Variants in SLC39A4 observed in about 807,000 individuals in gnomAD.
The protein encoded by SLC39A4 is zinc transporter ZIP4.
A neutral mutation model predicts 56.6 loss-of-function variants in SLC39A4; 49 were observed. The observed-to-expected ratio is 0.87, with a 90% CI of 0.69 to 1.10. The LOEUF (loss-of-function observed/expected upper bound fraction) is 1.10. Among genes scored for constraint, SLC39A4 ranks in the 50% least tolerant of loss-of-function variants. SLC39A4 has a pLI of 0.00. For synonymous variants in SLC39A4, 540 were observed against 420.4 expected (o/e 1.28, Z -3.48); for missense variants, 993 against 864.2 (o/e 1.15, Z -1.87).
chr8:144,414,971 C>T lies in SLC39A4; in HGVS notation c.804+3G>A, dbSNP rs782687490. 1.4e-5 allele frequency: 22 copies of T among 1,612,812 alleles called. No individual in the cohort carries two copies. In the East Asian group the frequency reaches 4.7e-4, roughly 34 times the overall value. On this transcript the variant is annotated splice_donor_region_variant and intron_variant, in intron 4 of 11. Transcript: ENST00000301305. ...CCCCATCTTACCCCAGGGCGCAGCT[C>T]ACCGTGTCCCACACACTGGAGCTGT...
chr8:144,414,340 G>C lies in SLC39A4; in HGVS notation c.1071C>G (p.Thr357=). 1.3e-6 allele frequency: 2 copies of C among 1,597,804 alleles called. No individual in the cohort carries two copies. The highest frequency in any genetic ancestry group is 1.3e-5 in the African/African-American group (1 of 74,910). ...LLTCTGCRGV[T]HYILQTFLSL... is the part of the protein sequence containing the mutation. ...TCAGGAAGGTCTGCAGGATGTAGTG[G>C]GTGACCCCCCTGCAGCCAGTGCAGG... Residue 357 remains threonine, a synonymous_variant, in exon 6 of 12, where the codon ACC becomes ACG. Coordinates refer to ENST00000301305, the MANE Select transcript of SLC39A4 (RefSeq NM_130849.4).
rs1279022205 is a variant in SLC39A4 at position 144,413,962 on chromosome 8, G to A, written c.1283C>T (p.Pro428Leu). Reference protein sequence around the residue: ...NLFNLLLPRDPEDLEDGPCGH... With the variant: ...NLFNLLLPRDLEDLEDGPCGH... The stretch of plus-strand genomic sequence containing the variant: ...TACCTTCCCAAGAAGCCTGACCTCC[G>A]GGTCCCTGGGCAGCAGGAGATTGAA... The change falls in exon 7 of 12, where the codon CCG (proline) becomes CTG (leucine). Residue 428 changes from proline (P) to leucine (L), a missense_variant. Physicochemically the swap from Pro to Leu is moderately conservative, Grantham distance 98. Transcript: ENST00000301305. 5 of 1,610,434 alleles carry A rather than the reference G, an allele frequency of 3.1e-6. No homozygotes were observed. Among genetic ancestry groups the A allele is most frequent in the Non-Finnish European group, 4.2e-6 (5 of 1,178,728 alleles).
At chr8:144,413,674 G>A in intron 8 of SLC39A4, 76 bp downstream of exon 8, 1 of 1,539,874 alleles carries the variant, frequency 6.5e-7, no homozygotes, top group East Asian at 2.4e-5. Context: ...GCCTGGGGTG[G>A]GGCTGGGAGT....
At chr8:144,412,998 C>T (rs1554872120) in intron 10 of SLC39A4, 52 bp from the exon 11 acceptor site, 1 of 1,539,364 alleles carries the variant, frequency 6.5e-7, no homozygotes. Context: ...CATGCCCCGC[C>T]CACCTCCTTT....
chr8:144,413,572 G>C lies in SLC39A4; in HGVS notation c.1420-5C>G, dbSNP rs1444041389. On this transcript the variant is annotated splice_region_variant and splice_polypyrimidine_tract_variant and intron_variant, in intron 8 of 11. Coordinates refer to ENST00000301305, the MANE Select transcript of SLC39A4 (RefSeq NM_130849.4). ...CTCCGGGCTCTCCTCCGCCACCTGG[G>C]AGGAGCCTTGAGTAAGTCCCGCCCG... The C allele has an allele frequency of 1.6e-5, 25 of 1,551,366 alleles. No individual in the cohort carries two copies. The highest frequency in any genetic ancestry group is 2.1e-5 in the Non-Finnish European group (24 of 1,147,630).
Position 144,414,251 on chromosome 8 carries a change from TG to T in SLC39A4, c.1149+10del, listed in dbSNP as rs1255181865. ...ACGGAGGGCCAGGGTCGCGGGTTTG[TG>T]GGGGCAGACCTTGGGCGTCAGATGC... is the stretch of plus-strand genomic sequence containing the variant. On this transcript the variant is annotated intron_variant, in intron 6 of 11. Transcript: ENST00000301305. 3 of 1,607,004 alleles carry T rather than the reference TG, an allele frequency of 1.9e-6. No homozygotes were observed. The highest frequency in any genetic ancestry group is 2.5e-6 in the Non-Finnish European group (3 of 1,178,138).
In SLC39A4 at chr8:144,414,984, A is replaced by G. The variant is rs1554873337; in HGVS notation, c.794T>C (p.Val265Ala). The G allele has an allele frequency of 1.9e-6, 3 of 1,612,542 alleles. No homozygotes were observed. Among genetic ancestry groups the G allele is most frequent in the Non-Finnish European group, 2.5e-6 (3 of 1,179,964 alleles). The change falls in exon 4 of 12, where the codon GTG becomes GCG. Residue 265 changes from valine (V) to alanine (A), a missense_variant. Val to Ala is a moderately conservative substitution (Grantham distance 64, BLOSUM62 0). Coordinates refer to ENST00000301305, the MANE Select transcript of SLC39A4 (RefSeq NM_130849.4). ...PLISSSNSSSVWDTVCLSARD... is the reference protein window; with the variant it reads ...PLISSSNSSSAWDTVCLSARD... The stretch of plus-strand genomic sequence containing the variant: ...CAGGGCGCAGCTCACCGTGTCCCAC[A>G]CACTGGAGCTGTTGCTGGAGCTGAT...
chr8:144,414,103 G>GT lies in SLC39A4; in HGVS notation c.1150-9dup. Reference sequence around the variant, plus strand: ...TGTATGCAGCCCCAGCACCTGGGGAGTAGGGGCGCTGGGCTGGGGGGGAGG... The same window carrying GT: ...TGTATGCAGCCCCAGCACCTGGGGAGTTAGGGGCGCTGGGCTGGGGGGGAGG... On this transcript the variant is annotated splice_polypyrimidine_tract_variant and intron_variant, in intron 6 of 11. Transcript: ENST00000301305. 1 of 1,555,614 alleles carries GT rather than the reference G, an allele frequency of 6.4e-7. No homozygotes were observed. The highest frequency in any genetic ancestry group is 8.7e-7 in the Non-Finnish European group (1 of 1,150,072).
chr8:144,412,955 G>A lies in SLC39A4; in HGVS notation c.1628-9C>T, dbSNP rs782534434. ...CAAGGCGGCGAAGTCCCCTGCGGGC[G>A]AGTCCACATTAACAGCTCCGCCCTC... On this transcript the variant is annotated splice_polypyrimidine_tract_variant and intron_variant, in intron 10 of 11. Transcript: ENST00000301305. 4.4e-6 allele frequency: 7 copies of A among 1,589,790 alleles called. No homozygotes were observed. Among genetic ancestry groups the A allele is most frequent in the South Asian group, 1.1e-5 (1 of 89,144 alleles).
At position 144,414,883 on chromosome 8, in the gene SLC39A4, G is replaced by A. The variant is rs1038325338; in HGVS notation, c.818C>T (p.Ala273Val). The stretch of plus-strand genomic sequence containing the variant: ...TCCATATGCAGCCATCACGTCCCTG[G>A]CACTCAGGCATACCTGGGGGGTGGC... ...SSVWDTVCLS[A>V]RDVMAAYGLS... Residue 273 changes from alanine to valine, a missense_variant, in exon 5 of 12, where the codon GCC becomes GTC. Coordinates refer to ENST00000301305, the MANE Select transcript of SLC39A4 (RefSeq NM_130849.4). 1.9e-6 allele frequency: 3 copies of A among 1,613,268 alleles called. No individual in the cohort carries two copies. Among genetic ancestry groups the A allele is most frequent in the South Asian group, 1.1e-5 (1 of 91,078 alleles).
In SLC39A4 at chr8:144,412,478, G is replaced by A; in HGVS notation, c.*60C>T. 5 of 1,613,482 alleles carry A rather than the reference G, an allele frequency of 3.1e-6. No individual in the cohort carries two copies. Among genetic ancestry groups the A allele is most frequent in the Non-Finnish European group, 4.2e-6 (5 of 1,179,840 alleles). On this transcript the variant is annotated 3_prime_UTR_variant, in exon 12 of 12. Transcript: ENST00000301305. ...GCCTCTATAGGGGCTTCTGGTTTCT[G>A]GGCTGTAGGTTTGTGAGGTGTGGGA...
Position 144,412,824 on chromosome 8 carries a change from C to A in SLC39A4, c.1750G>T (p.Glu584Ter). The change falls in exon 11 of 12, where the codon GAG (glutamate) becomes TAG (stop). Residue 584 changes from glutamate (E) to a stop codon, truncating the protein, a stop_gained. Coordinates refer to ENST00000301305, the MANE Select transcript of SLC39A4 (RefSeq NM_130849.4). LOFTEE classifies it high-confidence loss of function. Reference protein sequence around the residue: ...YVALAVGVSEESEAWILAVAT... With the variant: ...YVALAVGVSE ...ACTGCCAGGATCCAGGCCTCGCTCT[C>A]CTCGCTGACTCCAACCGCGAGTGCC... The A allele has an allele frequency of 6.2e-7, 1 of 1,613,038 alleles. No homozygotes were observed. Among genetic ancestry groups the A allele is most frequent in the Non-Finnish European group, 8.5e-7 (1 of 1,179,940 alleles).
chr8:144,416,820 G>A lies in SLC39A4; in HGVS notation c.-31C>T. 1 of 1,598,332 alleles carries A rather than the reference G, an allele frequency of 6.3e-7. No homozygotes were observed. Among genetic ancestry groups the A allele is most frequent in the Non-Finnish European group, 8.5e-7 (1 of 1,173,804 alleles). On this transcript the variant is annotated 5_prime_UTR_variant, in exon 1 of 12. Coordinates refer to ENST00000301305, the MANE Select transcript of SLC39A4 (RefSeq NM_130849.4). ...GCTCCCAGCGTGCTCAGTGGGTGTT[G>A]CTGTGGCCAAGGCCCAGTGCTTCTG...
chr8:144,416,796 C>T lies in SLC39A4; in HGVS notation c.-7G>A. 1 of 1,610,870 alleles carries T rather than the reference C, an allele frequency of 6.2e-7. No individual in the cohort carries two copies. The highest frequency in any genetic ancestry group is 2.2e-5 in the East Asian group (1 of 44,834). On this transcript the variant is annotated 5_prime_UTR_variant, in exon 1 of 12. Coordinates refer to ENST00000301305, the MANE Select transcript of SLC39A4 (RefSeq NM_130849.4). ...GCGAGACCAGGGACGCCATACTCAGCTCCCAGCGTGCTCAGTGGGTGTTGC... is the reference window on the plus strand; with the variant it reads ...GCGAGACCAGGGACGCCATACTCAGTTCCCAGCGTGCTCAGTGGGTGTTGC...
intron 8 of SLC39A4, 51 bp from the exon 9 acceptor site, chr8:144,413,618 T>C (rs2130795283): frequency 6.5e-7 from 1 of 1,547,546 alleles, no homozygotes; most frequent in African/African-American, 1.4e-5. Flanking sequence ...AGGAACGCGG[T>C]GGGGCGGGGC....
At position 144,412,936 on chromosome 8, in the gene SLC39A4, G is replaced by C. The variant is rs781951244; in HGVS notation, c.1638C>G (p.Ala546=). 1.7e-5 allele frequency: 27 copies of C among 1,601,680 alleles called. No individual in the cohort carries two copies. Among genetic ancestry groups the C allele is most frequent in the Non-Finnish European group, 2.0e-5 (23 of 1,178,116 alleles). Residue 546 remains alanine, a synonymous_variant, in exon 11 of 12, where the codon GCC becomes GCG. Transcript: ENST00000301305. The stretch of plus-strand genomic sequence containing the variant: ...CGGACAGCCCCGCGTGCAGCAAGGC[G>C]GCGAAGTCCCCTGCGGGCGAGTCCA... The part of the protein sequence containing the change: ...HELPHELGDF[A]ALLHAGLSVR...
rs997528240 is a variant in SLC39A4, at chr8:144,416,521, C to T, written c.192+77G>A. ...TCCGCCTCCTGGAGTTTGCCCAGGG[C>T]CCTTTGCTGCCGGCTGGCAGGGCGG... On this transcript the variant is annotated intron_variant, in intron 1 of 11. Transcript: ENST00000301305. 3.7e-5 allele frequency: 56 copies of T among 1,520,826 alleles called. No individual in the cohort carries two copies. In the African/African-American group the frequency reaches 7.0e-4, roughly 19 times the overall value. 94.2% of individuals were successfully genotyped at this position (1,520,826 alleles called of 1,614,324 possible). A position where few individuals can be genotyped will look rare whatever the true frequency, so the allele number is the denominator to read the frequency against.
chr8:144,416,731 G>GCCGTCA lies in SLC39A4; in HGVS notation c.53_58dup (p.Val18_Thr19dup), dbSNP rs1564711852. On this transcript the variant is annotated inframe_insertion, in exon 1 of 12. Transcript: ENST00000301305. ...CAGACCAGCAGGCGGGGACGCCGTC[G>GCCGTCA]CCGTCACCACCAGCACAGCCAGAAG... 2 of 1,612,460 alleles carry GCCGTCA rather than the reference G, an allele frequency of 1.2e-6. No homozygotes were observed. Among genetic ancestry groups the GCCGTCA allele is most frequent in the Non-Finnish European group, 1.7e-6 (2 of 1,179,800 alleles).
rs782573014 is a variant in SLC39A4 at position 144,414,901 on chromosome 8, G to A, written c.805-5C>T. On this transcript the variant is annotated splice_region_variant and splice_polypyrimidine_tract_variant and intron_variant, in intron 4 of 11. Coordinates refer to ENST00000301305, the MANE Select transcript of SLC39A4 (RefSeq NM_130849.4). ...GTCCCTGGCACTCAGGCATACCTGGGGGGTGGCAGGACAGGCTCAGGGGCC... is the reference window on the plus strand; with the variant it reads ...GTCCCTGGCACTCAGGCATACCTGGAGGGTGGCAGGACAGGCTCAGGGGCC... 1.2e-6 allele frequency: 2 copies of A among 1,613,112 alleles called. No homozygotes were observed. Among genetic ancestry groups the A allele is most frequent in the African/African-American group, 1.3e-5 (1 of 74,902 alleles).
Sources: allele counts gnomAD v4.1 joint callset, GRCh38; gene constraint gnomAD v4.1.1; transcripts MANE v1.5; gene names NCBI Gene and HGNC (gene_info 2026-07-23, HGNC 2026-07-21).